Variants in RFTN2 observed in about 807,000 individuals in gnomAD.
RFTN2 encodes raftlin-2.
RFTN2 carries 34 observed loss-of-function variants against 52.7 expected under a neutral mutation model. The ratio of observed to expected loss-of-function variants is 0.64; its 90% CI spans 0.49 to 0.86. The LOEUF (loss-of-function observed/expected upper bound fraction) is 0.86. Among genes scored for constraint, RFTN2 ranks in the 40% least tolerant of loss-of-function variants. RFTN2 has a pLI of 0.00. For synonymous variants in RFTN2, 203 were observed against 217.7 expected (o/e 0.93, Z 0.59); for missense variants, 536 against 600.1 (o/e 0.89, Z 1.12).
At chr2:197,620,519 A>G (rs2088245473) in intron 5 of RFTN2, among the ~76,000 whole-genome samples, 2 of 152,274 alleles carry the variant, frequency 1.3e-5, no homozygotes, top group African/African-American at 4.8e-5. Context: ...TTAAAGATAA[A>G]AAAGACAAAA....
intron 1 of RFTN2, among the ~76,000 whole-genome samples, chr2:197,650,569 A>T (rs1266099080): frequency 6.6e-6 from 1 of 152,278 alleles, no homozygotes; most frequent in African/African-American, 2.4e-5. Flanking sequence ...TGACTGGCTT[A>T]TTTCACTTAG....
At chr2:197,597,630 T>C (rs998978648) in intron 7 of RFTN2, among the ~76,000 whole-genome samples, 5 of 152,064 alleles carry the variant, frequency 3.3e-5, no homozygotes, top group Non-Finnish European at 7.4e-5. Context: ...GTGATTCTCC[T>C]CCCTCAGCCT....
chr2:197,646,107 A>G (rs905350257), intron 2 of RFTN2, among the ~76,000 whole-genome samples: 1 of 152,204 alleles, frequency 6.6e-6, no homozygotes, highest in Non-Finnish European at 1.5e-5. Context: ...CAGAAAGCTC[A>G]GTGAAAGTGG....
rs1039586585 is a variant in RFTN2 at position 197,569,158 on chromosome 2, A to G, written c.*2850T>C. ...TTAACACTTGGTATTGAAAACGAAG[A>G]TGAAAATGCCATAGATACTACACCA... On this transcript the variant is annotated 3_prime_UTR_variant, in exon 9 of 9. Coordinates refer to ENST00000295049, the MANE Select transcript of RFTN2 (RefSeq NM_144629.3). 1.3e-5 allele frequency: 2 copies of G among 152,212 alleles called. No homozygotes were observed. Among genetic ancestry groups the G allele is most frequent in the African/African-American group, 4.8e-5 (2 of 41,444 alleles). 9.4% of individuals were successfully genotyped at this position (152,212 alleles called of 1,614,324 possible).
Position 197,616,551 on chromosome 2 carries a change from T to A in RFTN2, c.1051-572A>T, listed in dbSNP as rs190551761. The stretch of plus-strand genomic sequence containing the variant: ...AAGTTATCCTCCCATTTCACCTTCC[T>A]AAAGTGCTGGGGTTACAGACGTGAG... On this transcript the variant is annotated intron_variant, in intron 6 of 8. Coordinates refer to ENST00000295049, the MANE Select transcript of RFTN2 (RefSeq NM_144629.3). Among the ~76,000 whole-genome samples the A allele has an allele frequency of 2.3e-3, 348 of 152,130 alleles. 1 individual carries two copies. The highest frequency in any genetic ancestry group is 8.2e-3 in the African/African-American group (340 of 41,512).
Position 197,569,287 on chromosome 2 carries a change from G to A in RFTN2, c.*2721C>T, listed in dbSNP as rs1363244585. On this transcript the variant is annotated 3_prime_UTR_variant, in exon 9 of 9. Coordinates refer to ENST00000295049, the MANE Select transcript of RFTN2 (RefSeq NM_144629.3). ...TGCCAGAGCCCCTAAGGAAATCATA[G>A]TGTTATAAAAAGAACTGAATATACA... 1 of 152,158 alleles carries A rather than the reference G, an allele frequency of 6.6e-6. No homozygotes were observed. Among genetic ancestry groups the A allele is most frequent in the Non-Finnish European group, 1.5e-5 (1 of 68,022 alleles). The allele number at this position is 152,158 out of a possible 1,614,324, so 9.4% of individuals were successfully genotyped here.
At chr2:197,590,180 C>T (rs1465296294) in intron 8 of RFTN2, among the ~76,000 whole-genome samples, 1 of 152,128 alleles carries the variant, frequency 6.6e-6, no homozygotes, top group Non-Finnish European at 1.5e-5. Flanking sequence ...GCTGAGATTA[C>T]AGGTGTGAGC....
chr2:197,575,831 AATATATT>A (rs1479242572), intron 8 of RFTN2, among the ~76,000 whole-genome samples: 5 of 60,504 alleles, frequency 8.3e-5, no homozygotes, highest in Middle Eastern at 0.015. Flanking sequence ...TTCTATATAT[AATATATT>A]ATATATATTT....
chr2:197,671,691 A>G (rs1433983907), intron 1 of RFTN2, among the ~76,000 whole-genome samples: 1 of 152,266 alleles, frequency 6.6e-6, no homozygotes, highest in Non-Finnish European at 1.5e-5. Context: ...TGAAAGACAA[A>G]TAGAATTTCT....
intron 1 of RFTN2, among the ~76,000 whole-genome samples, chr2:197,657,375 T>G (rs975906307): frequency 6.6e-6 from 1 of 152,196 alleles, no homozygotes; most frequent in African/African-American, 2.4e-5. Context: ...GCCTAGACCA[T>G]TTGAGACAGT....
At chr2:197,574,078 C>A (rs1187198380) in intron 8 of RFTN2, among the ~76,000 whole-genome samples, 1 of 152,232 alleles carries the variant, frequency 6.6e-6, no homozygotes, top group East Asian at 1.9e-4. Flanking sequence ...GAAACTCCCA[C>A]ATGGAGTCCC....
intron 3 of RFTN2, among the ~76,000 whole-genome samples, chr2:197,634,465 T>C (rs2088525125): frequency 1.3e-5 from 2 of 152,068 alleles, no homozygotes; most frequent in South Asian, 2.1e-4. Flanking sequence ...AAGAAAAATG[T>C]TAAAAGACTG....
chr2:197,628,363 C>T (rs1462289284), intron 5 of RFTN2, among the ~76,000 whole-genome samples: 1 of 152,126 alleles, frequency 6.6e-6, no homozygotes, highest in Non-Finnish European at 1.5e-5. Context: ...CCCCCTCCAC[C>T]CCATGAGCTG....
intron 1 of RFTN2, among the ~76,000 whole-genome samples, chr2:197,673,208 C>T (rs2089170743): frequency 6.6e-6 from 1 of 152,118 alleles, no homozygotes; most frequent in Non-Finnish European, 1.5e-5. Flanking sequence ...GCAGGAGGTG[C>T]CACTATTCAA....
chr2:197,619,414 C>T (rs1449057993), intron 5 of RFTN2, among the ~76,000 whole-genome samples: 2 of 152,216 alleles, frequency 1.3e-5, no homozygotes, highest in South Asian at 2.1e-4. Context: ...ATTCTTCTGC[C>T]TTGGGATCCT....
intron 7 of RFTN2, among the ~76,000 whole-genome samples, chr2:197,607,452 C>T (rs1259550728): frequency 1.3e-5 from 2 of 149,140 alleles, no homozygotes; most frequent in East Asian, 3.9e-4. Context: ...GCACATTGTG[C>T]ACATGTGCCC....
At chr2:197,665,126 A>G (rs184315984) in intron 1 of RFTN2, among the ~76,000 whole-genome samples, 6 of 152,330 alleles carry the variant, frequency 3.9e-5, no homozygotes, top group African/African-American at 9.6e-5. Flanking sequence ...AAACCTGCAC[A>G]TGTACCTCCT....
At chr2:197,666,773 T>C (rs1043080900) in intron 1 of RFTN2, among the ~76,000 whole-genome samples, 71 of 152,218 alleles carry the variant, frequency 4.7e-4, no homozygotes, top group African/African-American at 6.5e-4. Context: ...TTCGAGTATT[T>C]GGTAACTTCA....
At chr2:197,674,788 T>G (rs767073827) in intron 1 of RFTN2, among the ~76,000 whole-genome samples, 24 of 151,314 alleles carry the variant, frequency 1.6e-4, no homozygotes, top group Non-Finnish European at 3.3e-4. Context: ...TACAGAAGGC[T>G]ATCTTTTTTT....
Sources: allele counts gnomAD v4.1 joint callset (sites outside exome capture counted in the v4.1 genomes callset), GRCh38; gene constraint gnomAD v4.1.1; transcripts MANE v1.5; gene names NCBI Gene and HGNC (gene_info 2026-07-23, HGNC 2026-07-21).